Variants in PPIP5K2 observed in about 807,000 individuals in gnomAD.
The protein encoded by PPIP5K2 is diphosphoinositol pentakisphosphate kinase 2.
A neutral mutation model predicts 154.6 loss-of-function variants in PPIP5K2; 105 were observed. The observed-to-expected ratio is 0.68, with a 90% confidence interval of 0.58 to 0.80. PPIP5K2 has a LOEUF of 0.80. PPIP5K2 is among the 30% of genes least tolerant of loss of function. The pLI, the probability that PPIP5K2 is intolerant of heterozygous loss-of-function variation, is 0.00. For synonymous variants in PPIP5K2, 480 were observed against 490.3 expected, an observed-to-expected ratio of 0.98 and a Z score of 0.28; for missense variants, 992 against 1,504.6, an observed-to-expected ratio of 0.66 and a Z score of 5.64.
chr5:103,158,272 A>G lies in PPIP5K2; in HGVS notation c.1574A>G (p.Glu525Gly). 6.2e-7 allele frequency: 1 copy of G among 1,614,086 alleles called. No individual in the cohort carries two copies. Among genetic ancestry groups the G allele is most frequent in the Non-Finnish European group, 8.5e-7 (1 of 1,179,950 alleles). The change falls in exon 15 of 31, where the codon GAA (glutamate) becomes GGA (glycine). Residue 525 changes from glutamate (E) to glycine (G), a missense_variant. Transcript: ENST00000358359. ...LTPAGRVQAE[E>G]LGRAFRCMYP... ...CCTGCAGGCAGGGTCCAGGCTGAAG[A>G]ACTTGGAAGAGCCTTCAGGTGTATG...
chr5:103,142,503 G>A (rs1341879554), intron 5 of PPIP5K2, among the ~76,000 whole-genome samples: 1 of 152,236 alleles, frequency 6.6e-6, no homozygotes. Context: ...GCGGCGGGAC[G>A]AAGGGCTCCT....
chr5:103,136,720 A>T lies in PPIP5K2; in HGVS notation c.311-12A>T, dbSNP rs781871469. 3.8e-6 allele frequency: 6 copies of T among 1,594,162 alleles called. No homozygotes were observed. The highest frequency in any genetic ancestry group is 4.3e-6 in the Non-Finnish European group (5 of 1,162,056). On this transcript the variant is annotated splice_polypyrimidine_tract_variant and intron_variant, in intron 3 of 30. Transcript: ENST00000358359. ...AGATAATACAGAATATGTTAATAAT[A>T]TGTGTTCTTAGGATTTCCACTGGAC...
At chr5:103,197,124 T>G (rs1802211741) in intron 30 of PPIP5K2, among the ~76,000 whole-genome samples, 1 of 152,182 alleles carries the variant, frequency 6.6e-6, no homozygotes, top group Non-Finnish European at 1.5e-5. Context: ...AGGATACTGG[T>G]CTGTAGTTTT....
chr5:103,186,452 A>C lies in PPIP5K2; in HGVS notation c.3289+13A>C. On this transcript the variant is annotated intron_variant, in intron 27 of 30. Coordinates refer to ENST00000358359, the MANE Select transcript of PPIP5K2 (RefSeq NM_001276277.3). ...GGCTGCATAGATGGTATGTGCACAC[A>C]TGCACACACAGATTCATACCTACAC... The C allele has an allele frequency of 6.2e-7, 1 of 1,613,606 alleles. No individual in the cohort carries two copies. Among genetic ancestry groups the C allele is most frequent in the South Asian group, 1.1e-5 (1 of 91,076 alleles).
At chr5:103,134,359 C>A (rs1422064495) in intron 3 of PPIP5K2, among the ~76,000 whole-genome samples, 1 of 151,942 alleles carries the variant, frequency 6.6e-6, no homozygotes, top group African/African-American at 2.4e-5. Context: ...AGTGAATTTC[C>A]CACTAAGAAC....
At chr5:103,160,981 T>C (rs1225595248) in intron 17 of PPIP5K2, among the ~76,000 whole-genome samples, 1 of 151,970 alleles carries the variant, frequency 6.6e-6, no homozygotes, top group Non-Finnish European at 1.5e-5. Flanking sequence ...AATTATACTT[T>C]AAGTTATAGG....
Position 103,209,623 on chromosome 5 carries a change from G to C in PPIP5K2, c.*7989G>C, listed in dbSNP as rs782812013. 2 of 152,004 alleles carry C rather than the reference G, an allele frequency of 1.3e-5. No individual in the cohort carries two copies. The highest frequency in any genetic ancestry group is 2.9e-5 in the Non-Finnish European group (2 of 67,978). The allele number at this position is 152,004 out of a possible 1,614,324, so 9.4% of individuals were successfully genotyped here. A position where few individuals can be genotyped will look rare whatever the true frequency, so the allele number is the denominator to read the frequency against. ...TTCAGGAGTACTTGATATATGGAAG[G>C]ATTTTTTTAAAAAAAAGGAAAAATG... On this transcript the variant is annotated 3_prime_UTR_variant, in exon 31 of 31. Coordinates refer to ENST00000358359, the MANE Select transcript of PPIP5K2 (RefSeq NM_001276277.3).
intron 11 of PPIP5K2, 30 bp from the exon 12 acceptor site, chr5:103,154,640 T>G: frequency 7.7e-7 from 1 of 1,293,386 alleles, no homozygotes; most frequent in Non-Finnish European, 1.1e-6. Flanking sequence ...TTATTGCAAG[T>G]GACTAACAGT....
intron 4 of PPIP5K2, among the ~76,000 whole-genome samples, chr5:103,137,303 C>T (rs1356843915): frequency 2.6e-5 from 4 of 151,836 alleles, no homozygotes; most frequent in Non-Finnish European, 4.4e-5. Flanking sequence ...GCTGGGATTA[C>T]AGGCGCCCGC....
Position 103,204,714 on chromosome 5 carries a change from T to C in PPIP5K2, c.*3080T>C, listed in dbSNP as rs1463782660. ...ATAATCGTAGGTACCAAAATATTAC[T>C]GTGTAAAGTGTTGTTTATATAGGTC... is the stretch of plus-strand genomic sequence containing the variant. On this transcript the variant is annotated 3_prime_UTR_variant, in exon 31 of 31. Coordinates refer to ENST00000358359, the MANE Select transcript of PPIP5K2 (RefSeq NM_001276277.3). 1.3e-5 allele frequency: 2 copies of C among 152,162 alleles called. No homozygotes were observed. Among genetic ancestry groups the C allele is most frequent in the African/African-American group, 4.8e-5 (2 of 41,438 alleles). 9.4% of individuals were successfully genotyped at this position (152,162 alleles called of 1,614,324 possible).
intron 30 of PPIP5K2, among the ~76,000 whole-genome samples, chr5:103,201,240 TGGA>T (rs1802942436): frequency 6.6e-6 from 1 of 152,208 alleles, no homozygotes; most frequent in East Asian, 1.9e-4. Flanking sequence ...ATTAGCACAA[TGGA>T]TGGTAGTTAA....
intron 8 of PPIP5K2, among the ~76,000 whole-genome samples, chr5:103,150,843 C>CTTTTTTTT (rs377739666): frequency 1.5e-4 from 10 of 68,098 alleles, no homozygotes; most frequent in Non-Finnish European, 1.9e-4. Flanking sequence ...GTCCATCCTC[C>CTTTTTTTT]TTTTTTTTTT....
intron 1 of PPIP5K2, among the ~76,000 whole-genome samples, chr5:103,129,008 T>A (rs1554201586): frequency 6.6e-6 from 1 of 152,210 alleles, no homozygotes; most frequent in East Asian, 1.9e-4. Flanking sequence ...TGTTATAATT[T>A]GAGTAATTTT....
At chr5:103,194,179 T>C (rs1380227032) in intron 29 of PPIP5K2, among the ~76,000 whole-genome samples, 8 of 151,770 alleles carry the variant, frequency 5.3e-5, no homozygotes, top group South Asian at 4.2e-4. Flanking sequence ...TTGTTTTTTT[T>C]CCCCCCGAGA....
intron 2 of PPIP5K2, among the ~76,000 whole-genome samples, chr5:103,130,055 A>G (rs533996257): frequency 6.6e-6 from 1 of 152,322 alleles, no homozygotes; most frequent in African/African-American, 2.4e-5. Context: ...AAATAATTTT[A>G]AAGTTACAAA....
chr5:103,142,111 C>G (rs911546216), intron 5 of PPIP5K2, among the ~76,000 whole-genome samples: 1 of 152,186 alleles, frequency 6.6e-6, no homozygotes, highest in Non-Finnish European at 1.5e-5. Context: ...AGGCTCGGGC[C>G]GCACAGGAGC....
At chr5:103,135,674 C>T (rs1318057718) in intron 3 of PPIP5K2, among the ~76,000 whole-genome samples, 1 of 152,086 alleles carries the variant, frequency 6.6e-6, no homozygotes, top group Non-Finnish European at 1.5e-5. Flanking sequence ...TCAAGCACTC[C>T]TCCCAACTCG....
intron 5 of PPIP5K2, among the ~76,000 whole-genome samples, chr5:103,139,925 A>G (rs75039178): frequency 0.037 from 5,564 of 152,280 alleles, 338 homozygotes; most frequent in African/African-American, 0.13. Context: ...AAAGTGGATC[A>G]AGTAGAAGAA....
chr5:103,126,494 A>G (rs1207966508), intron 1 of PPIP5K2, among the ~76,000 whole-genome samples: 3 of 152,216 alleles, frequency 2.0e-5, no homozygotes, highest in African/African-American at 7.2e-5. Context: ...ACTATGTATT[A>G]GTCAGGGTTC....
Sources: gnomAD v4.1 joint callset for allele counts (sites outside exome capture counted in the v4.1 genomes callset) on GRCh38, gnomAD v4.1.1 for gene constraint, MANE v1.5 for transcripts, NCBI Gene and HGNC (gene_info 2026-07-23, HGNC 2026-07-21) for gene names.